Variants in CNKSR3 observed in about 807,000 individuals in gnomAD.
The protein encoded by CNKSR3 is connector enhancer of kinase suppressor of ras 3.
A neutral mutation model predicts 67.7 loss-of-function variants in CNKSR3; 36 were observed. The ratio of observed to expected loss-of-function variants is 0.53; its 90% CI spans 0.41 to 0.70. The LOEUF (loss-of-function observed/expected upper bound fraction) is 0.70. Among genes scored for constraint, CNKSR3 ranks in the 30% least tolerant of loss-of-function variants. The probability of loss-of-function intolerance (pLI) is 0.00; values close to 1 mark genes in which losing one functional copy is unlikely to be tolerated. For synonymous variants in CNKSR3, 281 were observed against 271.4 expected (o/e 1.04, Z -0.35); for missense variants, 630 against 695.2 (o/e 0.91, Z 1.05).
intron 1 of CNKSR3, among the ~76,000 whole-genome samples, chr6:154,450,501 C>T (rs1431618500): frequency 6.6e-6 from 1 of 152,222 alleles, no homozygotes; most frequent in Non-Finnish European, 1.5e-5. Flanking sequence ...TTCTCATTCC[C>T]TGTAAACTAA....
chr6:154,475,284 G>A (rs1018787845), intron 1 of CNKSR3, among the ~76,000 whole-genome samples: 7 of 152,046 alleles, frequency 4.6e-5, no homozygotes, highest in African/African-American at 1.2e-4. Flanking sequence ...TACAACACAC[G>A]CCTGGCCCTT....
chr6:154,429,479 A>G (rs1157844674), intron 6 of CNKSR3, among the ~76,000 whole-genome samples: 1 of 152,178 alleles, frequency 6.6e-6, no homozygotes, highest in Non-Finnish European at 1.5e-5. Context: ...TACTCAGGAC[A>G]TTTATCTGCT....
rs866264428 is a variant in CNKSR3 at position 154,472,759 on chromosome 6, C to G, written c.53-22501G>C. Among the ~76,000 whole-genome samples, 18 of 150,074 alleles carry G rather than the reference C, an allele frequency of 1.2e-4. No homozygotes were observed. In the Middle Eastern group the frequency reaches 0.014, roughly 114 times the overall value. Reference sequence around the variant, plus strand: ...TAAATTTTTTTTTATTTTATAAGGTCTGGCCATACTTAGAACTACCACTAA... The same window carrying G: ...TAAATTTTTTTTTATTTTATAAGGTGTGGCCATACTTAGAACTACCACTAA... On this transcript the variant is annotated intron_variant, in intron 1 of 12. Coordinates refer to ENST00000607772, the MANE Select transcript of CNKSR3 (RefSeq NM_173515.4).
At chr6:154,467,904 T>C (rs539577770) in intron 1 of CNKSR3, among the ~76,000 whole-genome samples, 78 of 150,436 alleles carry the variant, frequency 5.2e-4, no homozygotes, top group African/African-American at 1.8e-3. Flanking sequence ...GGATTACAGG[T>C]GCCCACTACC....
chr6:154,491,681 A>C (rs1243052209), intron 1 of CNKSR3, among the ~76,000 whole-genome samples: 1 of 152,212 alleles, frequency 6.6e-6, no homozygotes, highest in Non-Finnish European at 1.5e-5. Flanking sequence ...AATGTGAAAA[A>C]AAAAAATGAA....
intron 1 of CNKSR3, among the ~76,000 whole-genome samples, chr6:154,499,188 T>C (rs1436367702): frequency 6.6e-6 from 1 of 152,230 alleles, no homozygotes; most frequent in Non-Finnish European, 1.5e-5. Flanking sequence ...GGTTCATTAC[T>C]CATCTACTTA....
chr6:154,430,393 C>T, intron 6 of CNKSR3, 79 bp downstream of exon 6: 1 of 1,316,330 alleles, frequency 7.6e-7, no homozygotes, highest in African/African-American at 1.5e-5. Flanking sequence ...ATAGTGAAAG[C>T]AATAAGGAAT....
chr6:154,451,028 G>T (rs1252808951), intron 1 of CNKSR3, among the ~76,000 whole-genome samples: 3 of 152,150 alleles, frequency 2.0e-5, no homozygotes, highest in South Asian at 2.1e-4. Flanking sequence ...AAGCTTGTTT[G>T]TGTCGAATCT....
At chr6:154,431,948 T>C (rs1323097814) in intron 5 of CNKSR3, among the ~76,000 whole-genome samples, 2 of 152,224 alleles carry the variant, frequency 1.3e-5, no homozygotes, top group Non-Finnish European at 2.9e-5. Flanking sequence ...TTTTTGGCAA[T>C]TTTGAGTAAA....
chr6:154,506,374 A>G (rs985390460), intron 1 of CNKSR3, among the ~76,000 whole-genome samples: 5 of 152,216 alleles, frequency 3.3e-5, no homozygotes, highest in African/African-American at 1.2e-4. Context: ...AGAAGGAAAA[A>G]GAAAGAAATT....
At chr6:154,414,970 C>T (rs944680081) in intron 9 of CNKSR3, among the ~76,000 whole-genome samples, 7 of 151,396 alleles carry the variant, frequency 4.6e-5, no homozygotes, top group South Asian at 2.1e-4. Flanking sequence ...TGGTGGCACA[C>T]GCCTGTAGTC....
At chr6:154,481,793 G>A (rs577564404) in intron 1 of CNKSR3, among the ~76,000 whole-genome samples, 2 of 152,280 alleles carry the variant, frequency 1.3e-5, no homozygotes, top group African/African-American at 4.8e-5. Flanking sequence ...TCTAAATAAC[G>A]TGAGCCAAGG....
At chr6:154,479,556 A>ATTCACAGATCTCAGATT (rs1246167345) in intron 1 of CNKSR3, among the ~76,000 whole-genome samples, 169 of 152,348 alleles carry the variant, frequency 1.1e-3, no homozygotes, top group African/African-American at 3.8e-3. Flanking sequence ...TTTCACATAA[A>ATTCACAGATCTCAGATT]CACAGATCTC....
At chr6:154,507,552 C>T (rs1787125908) in intron 1 of CNKSR3, among the ~76,000 whole-genome samples, 1 of 152,120 alleles carries the variant, frequency 6.6e-6, no homozygotes, top group African/African-American at 2.4e-5. Context: ...ACTTGAGCAT[C>T]ATTATTATGA....
At chr6:154,459,733 A>G (rs1339139822) in intron 1 of CNKSR3, among the ~76,000 whole-genome samples, 1 of 152,260 alleles carries the variant, frequency 6.6e-6, no homozygotes, top group Non-Finnish European at 1.5e-5. Context: ...TTTGAGTTTC[A>G]CAACATAAGT....
rs1474814709 is a variant in CNKSR3 at position 154,406,351 on chromosome 6, C to CT, written c.*2dup. On this transcript the variant is annotated 3_prime_UTR_variant, in exon 13 of 13. Coordinates refer to ENST00000607772, the MANE Select transcript of CNKSR3 (RefSeq NM_173515.4). ...CAGGCAGGTGGCCTGAGCAGGGTCC[C>CT]TCTCAGTGAGTCAACAGTTTGAGGC... 1 of 1,608,728 alleles carries CT rather than the reference C, an allele frequency of 6.2e-7. No homozygotes were observed. Among genetic ancestry groups the CT allele is most frequent in the Admixed American group, 1.7e-5 (1 of 59,262 alleles).
At chr6:154,452,544 T>C (rs1362491938) in intron 1 of CNKSR3, among the ~76,000 whole-genome samples, 1 of 152,226 alleles carries the variant, frequency 6.6e-6, no homozygotes, top group African/African-American at 2.4e-5. Context: ...CTGTCTTCCC[T>C]AGCCTACTTT....
At chr6:154,509,582 C>G (rs1035091908) in intron 1 of CNKSR3, among the ~76,000 whole-genome samples, 2 of 152,186 alleles carry the variant, frequency 1.3e-5, no homozygotes, top group Admixed American at 6.5e-5. Flanking sequence ...GCGGACCCGC[C>G]GGAGTCTCCC....
At chr6:154,505,560 C>G (rs1347928025) in intron 1 of CNKSR3, among the ~76,000 whole-genome samples, 5 of 149,684 alleles carry the variant, frequency 3.3e-5, no homozygotes, top group South Asian at 2.1e-4. Context: ...TGCAGTGGCA[C>G]GATCTCGGCT....
Sources: allele counts gnomAD v4.1 joint callset (sites outside exome capture counted in the v4.1 genomes callset), GRCh38; gene constraint gnomAD v4.1.1; transcripts MANE v1.5; gene names NCBI Gene and HGNC (gene_info 2026-07-23, HGNC 2026-07-21).